Variants in SPART observed in about 807,000 individuals in gnomAD.
The protein encoded by SPART is spartin, also known as spastic paraplegia 20 (Troyer syndrome).
In SPART, 35 loss-of-function variants were observed where a neutral mutation model predicts 58.7. That is an observed-to-expected ratio of 0.60 (90% CI 0.46 to 0.79). SPART has a LOEUF of 0.79. Among genes scored for constraint, SPART ranks in the 30% least tolerant of loss-of-function variants. The probability of loss-of-function intolerance (pLI) is 0.00; values close to 1 mark genes in which losing one functional copy is unlikely to be tolerated. For missense variants in SPART, 730 were observed against 786.1 expected (o/e 0.93, Z 0.85); for synonymous variants, 284 against 280.7 (o/e 1.01, Z -0.12).
chr13:36,348,872 T>C (rs1000120288), upstream of SPART, among the ~76,000 whole-genome samples: 4 of 152,052 alleles, frequency 2.6e-5, no homozygotes, highest in African/African-American at 7.3e-5. Flanking sequence ...TCCAGGGAAA[T>C]ATAAGGACCC....
intron 8 of SPART, among the ~76,000 whole-genome samples, chr13:36,310,871 C>T (rs2137302679): frequency 6.6e-6 from 1 of 152,300 alleles, no homozygotes; most frequent in East Asian, 1.9e-4. Flanking sequence ...CCACCCTCGC[C>T]CCACCCACTG....
At chr13:36,317,076 C>T (rs1881791476) in intron 5 of SPART, among the ~76,000 whole-genome samples, 1 of 152,142 alleles carries the variant, frequency 6.6e-6, no homozygotes, top group Non-Finnish European at 1.5e-5. Flanking sequence ...ATCCGTGGAC[C>T]CAAAACTCCG....
chr13:36,340,026 C>G (rs1490531374), intron 1 of SPART, among the ~76,000 whole-genome samples: 2 of 152,018 alleles, frequency 1.3e-5, no homozygotes, highest in African/African-American at 4.8e-5. Context: ...TATGATCACA[C>G]CACTGTACTC....
Position 36,332,904 on chromosome 13 carries a change from A to G in SPART, c.811-1308T>C, listed in dbSNP as rs532299137. On this transcript the variant is annotated intron_variant, in intron 2 of 8. Transcript: ENST00000438666. The stretch of plus-strand genomic sequence containing the variant: ...TTCAGTTATTATTAAGATAAAACTG[A>G]CAAGTGGGACAATTTAGTAAAAATA... Among the ~76,000 whole-genome samples, 52 of 152,358 alleles carry G rather than the reference A, an allele frequency of 3.4e-4. 1 individual carries two copies. The South Asian group carries it at 0.011, about 32-fold the overall frequency.
intron 8 of SPART, among the ~76,000 whole-genome samples, chr13:36,305,122 C>T (rs1880386598): frequency 6.6e-6 from 1 of 151,976 alleles, no homozygotes. Context: ...CCCCTGCATC[C>T]CACTCTACTG....
At chr13:36,352,137 C>T (rs1885439625) in intron 1 of SPART, among the ~76,000 whole-genome samples, 2 of 152,144 alleles carry the variant, frequency 1.3e-5, no homozygotes, top group Admixed American at 1.3e-4. Context: ...GGTAAGGTTT[C>T]TGACCTGTGA....
intron 6 of SPART, 48 bp downstream of exon 6, chr13:36,314,179 T>A (rs1391050803): frequency 6.5e-7 from 1 of 1,531,918 alleles, no homozygotes; most frequent in Non-Finnish European, 9.0e-7. Context: ...ATTAAGACAT[T>A]ATTTTAAATA....
chr13:36,352,911 G>A (rs1885475239), intron 1 of SPART, among the ~76,000 whole-genome samples: 1 of 152,134 alleles, frequency 6.6e-6, no homozygotes, highest in Non-Finnish European at 1.5e-5. Flanking sequence ...AGTGAGCCAT[G>A]TTCACATCTC....
chr13:36,333,514 A>G (rs775111172), intron 2 of SPART, among the ~76,000 whole-genome samples: 1 of 151,574 alleles, frequency 6.6e-6, no homozygotes, highest in Non-Finnish European at 1.5e-5. Flanking sequence ...ATACCTGAAT[A>G]CAAGCAAATG....
At chr13:36,313,456 A>G (rs1331308336) in intron 6 of SPART, among the ~76,000 whole-genome samples, 2 of 152,182 alleles carry the variant, frequency 1.3e-5, no homozygotes, top group Non-Finnish European at 2.9e-5. Flanking sequence ...AAAGTCTACA[A>G]TAGTGTATAG....
intron 1 of SPART, among the ~76,000 whole-genome samples, chr13:36,364,521 G>C (rs964136629): frequency 6.6e-6 from 1 of 152,098 alleles, no homozygotes; most frequent in Non-Finnish European, 1.5e-5. Flanking sequence ...ATCAGCTCAC[G>C]TTGTTCTGAT....
chr13:36,315,290 A>G (rs1308905000), intron 5 of SPART, among the ~76,000 whole-genome samples: 1 of 152,216 alleles, frequency 6.6e-6, no homozygotes, highest in Admixed American at 6.5e-5. Context: ...AAAAACATGT[A>G]AGAACAGTGT....
At chr13:36,340,102 C>T (rs374758965) in intron 1 of SPART, among the ~76,000 whole-genome samples, 17 of 151,088 alleles carry the variant, frequency 1.1e-4, no homozygotes, top group African/African-American at 3.9e-4. Context: ...AACCAATGGG[C>T]AAAAAATAAG....
intron 4 of SPART, among the ~76,000 whole-genome samples, chr13:36,327,241 G>A (rs921995899): frequency 1.3e-5 from 2 of 152,196 alleles, no homozygotes; most frequent in African/African-American, 4.8e-5. Context: ...GCTGTGATGA[G>A]AGCCTGGGCC....
At chr13:36,309,421 GAC>G (rs973637242) in intron 8 of SPART, among the ~76,000 whole-genome samples, 2 of 152,040 alleles carry the variant, frequency 1.3e-5, no homozygotes, top group African/African-American at 4.8e-5. Context: ...CTATCAAAAA[GAC>G]ACATGCACTC....
chr13:36,343,943 C>G (rs992061732), intron 1 of SPART, among the ~76,000 whole-genome samples: 3 of 151,502 alleles, frequency 2.0e-5, no homozygotes, highest in Non-Finnish European at 4.4e-5. Context: ...GCCGGAGGAT[C>G]GCTTGGGCCC....
At chr13:36,320,892 G>A (rs186239102) in intron 5 of SPART, among the ~76,000 whole-genome samples, 1 of 152,098 alleles carries the variant, frequency 6.6e-6, no homozygotes, top group Non-Finnish European at 1.5e-5. Flanking sequence ...AGTTTTTCAG[G>A]CTCTTAGTAT....
rs552875149 is a variant in SPART at position 36,335,860 on chromosome 13, T to C, written c.-2-28A>G. The C allele has an allele frequency of 7.7e-6, 12 of 1,556,604 alleles. No homozygotes were observed. In the African/African-American group the frequency reaches 1.1e-4, roughly 14 times the overall value. ...GCAAAATTGGAGACATATTTAATTA[T>C]CTTGCTTAGCTATTGTTTACTTATG... On this transcript the variant is annotated intron_variant, in intron 1 of 8. Transcript: ENST00000438666.
At chr13:36,357,719 A>G (rs1885678595) in intron 1 of SPART, among the ~76,000 whole-genome samples, 1 of 152,238 alleles carries the variant, frequency 6.6e-6, no homozygotes, top group East Asian at 1.9e-4. Context: ...GTGGATTACA[A>G]GAATAAAGAG....
Sources: gnomAD v4.1 joint callset for allele counts (sites outside exome capture counted in the v4.1 genomes callset) on GRCh38, gnomAD v4.1.1 for gene constraint, MANE v1.5 for transcripts, NCBI Gene and HGNC (gene_info 2026-07-23, HGNC 2026-07-21) for gene names.